The following LRP5 variants were observed in gnomAD, a reference collection of about 807,000 sequenced individuals.
The protein encoded by LRP5 is low-density lipoprotein receptor-related protein 5.
A neutral mutation model predicts 154.1 loss-of-function variants in LRP5; 62 were observed. The ratio of observed to expected loss-of-function variants is 0.40; its 90% CI spans 0.33 to 0.50. The LOEUF (loss-of-function observed/expected upper bound fraction) is 0.50, where lower values mean the gene tolerates loss of function less well. Ranked by LOEUF, LRP5 falls within the 20% of genes least tolerant of loss-of-function variation. LRP5 has a pLI of 0.55. For synonymous variants in LRP5, 966 were observed against 1,011.5 expected, an observed-to-expected ratio of 0.96 and a Z score of 0.85; for missense variants, 1,915 against 2,336.7, an observed-to-expected ratio of 0.82 and a Z score of 3.72.
In LRP5 at chr11:68,409,961, G is replaced by C; in HGVS notation, c.2139G>C (p.Val713=). 1 of 1,614,058 alleles carries C rather than the reference G, an allele frequency of 6.2e-7. No homozygotes were observed. The highest frequency in any genetic ancestry group is 8.5e-7 in the Non-Finnish European group (1 of 1,180,000). The change falls in exon 10 of 23, where the codon GTG becomes GTC. Residue 713 remains valine, a synonymous_variant. Transcript: ENST00000294304. ...ACGGGAGCTCGGTGGAGCACGTGGT[G>C]GAGTTTGGCCTTGACTACCCCGAGG... is the stretch of plus-strand genomic sequence containing the variant. ...FMNGSSVEHV[V]EFGLDYPEGM... is the part of the protein sequence containing the mutation.
chr11:68,298,621 C>T, the LRP5 span, among the ~76,000 whole-genome samples: 2 of 152,296 alleles, frequency 1.3e-5, no homozygotes, highest in Admixed American at 1.3e-4. Context: ...GGGCTCAGTG[C>T]CAGGCCCAGC....
At chr11:68,321,039 C>T (rs1192483822) in intron 1 of LRP5, among the ~76,000 whole-genome samples, 2 of 146,084 alleles carry the variant, frequency 1.4e-5, no homozygotes, top group African/African-American at 2.5e-5. Context: ...GTTTTACATT[C>T]AGACATTATT....
At position 68,428,791 on chromosome 11, in the gene LRP5, G is replaced by A. The variant is rs116749851; in HGVS notation, c.3638-784G>A. ...TCCAACCCCTTATACAATGAAAGAC[G>A]GGAAGAGGGCCAGGTGTGGTAGTTC... On this transcript the variant is annotated intron_variant, in intron 16 of 22. Transcript: ENST00000294304. 7.7e-3 allele frequency among the ~76,000 whole-genome samples: 1,096 copies of A among 141,884 alleles called. 15 individuals are homozygous for A. Among genetic ancestry groups the A allele is most frequent in the African/African-American group, 0.027 (1,020 of 37,570 alleles). 93.1% of individuals were successfully genotyped at this position (141,884 alleles called of 152,430 possible). A position where few individuals can be genotyped will look rare whatever the true frequency, so the allele number is the denominator to read the frequency against.
chr11:68,439,169 C>A (rs1453155650), intron 20 of LRP5, among the ~76,000 whole-genome samples: 1 of 152,230 alleles, frequency 6.6e-6, no homozygotes, highest in Non-Finnish European at 1.5e-5. Context: ...CACCGCAGAG[C>A]TGCACCATGC....
At chr11:68,372,391 T>TGGGACCGTGGCGGC (rs2098634615) in intron 5 of LRP5, among the ~76,000 whole-genome samples, 1 of 4,744 alleles carries the variant, frequency 2.1e-4, no homozygotes, top group East Asian at 5.4e-3. Flanking sequence ...GTGGTGGTGT[T>TGGGACCGTGGCGGC]GAGGAGGTGC....
chr11:68,362,249 G>A (rs567253172), intron 3 of LRP5, among the ~76,000 whole-genome samples: 32 of 152,270 alleles, frequency 2.1e-4, no homozygotes, highest in African/African-American at 7.0e-4. Flanking sequence ...AGTGTTTGCC[G>A]GGGCTGGGGG....
At chr11:68,416,085 A>C (rs1309010443) in intron 12 of LRP5, among the ~76,000 whole-genome samples, 2 of 152,070 alleles carry the variant, frequency 1.3e-5, no homozygotes, top group African/African-American at 4.8e-5. Flanking sequence ...AAAGAAAAAT[A>C]AATTTATGAT....
chr11:68,322,938 G>A (rs117323365), intron 1 of LRP5, among the ~76,000 whole-genome samples: 5,120 of 152,328 alleles, frequency 0.034, 121 homozygotes, highest in Non-Finnish European at 0.05. Flanking sequence ...GTACCCACCA[G>A]CCTCCTAGGG....
Position 68,386,792 on chromosome 11 carries a change from TTCTGGGACACTG to T in LRP5, c.1412+84_1412+95del. 6.8e-7 allele frequency: 1 copy of T among 1,464,986 alleles called. No homozygotes were observed. The highest frequency in any genetic ancestry group is 9.2e-7 in the Non-Finnish European group (1 of 1,084,990). 90.7% of individuals were successfully genotyped at this position (1,464,986 alleles called of 1,614,324 possible). On this transcript the variant is annotated intron_variant, in intron 6 of 22. Coordinates refer to ENST00000294304, the MANE Select transcript of LRP5 (RefSeq NM_002335.4). The surrounding 1 kb of genome is among the most constrained non-coding windows in gnomAD (Gnocchi z 7.9). ...GAGGGAGATTGACCTGGACCTGTCA[TTCTGGGACACTG>T]TCTTGCATCAGAACCCGGAGGAGGG...
chr11:68,418,723 G>A (rs2098663950), intron 13 of LRP5, among the ~76,000 whole-genome samples: 1 of 152,212 alleles, frequency 6.6e-6, no homozygotes, highest in Admixed American at 6.5e-5. Context: ...TCAGAGCCAT[G>A]CCTGGCTCCC....
At chr11:68,436,197 A>G (rs572635264) in intron 18 of LRP5, among the ~76,000 whole-genome samples, 204 of 152,254 alleles carry the variant, frequency 1.3e-3, no homozygotes, top group African/African-American at 4.2e-3. Flanking sequence ...TGGTTACCAG[A>G]AAATCATCCC....
chr11:68,364,334 A>G (rs2098629729), intron 4 of LRP5, among the ~76,000 whole-genome samples: 1 of 150,396 alleles, frequency 6.6e-6, no homozygotes, highest in African/African-American at 2.5e-5. Flanking sequence ...ATATATATAT[A>G]TGGTTATTTA....
chr11:68,423,482 C>A lies in LRP5; in HGVS notation c.3028-7C>A, dbSNP rs1457687408. The A allele has an allele frequency of 1.9e-6, 3 of 1,613,832 alleles. No individual in the cohort carries two copies. Among genetic ancestry groups the A allele is most frequent in the Non-Finnish European group, 2.5e-6 (3 of 1,179,834 alleles). ...TGCTCAGGAGTCTTGGTTTCTTTGT[C>A]TTACAGCCCTTTGTTTTGACCTCTC... On this transcript the variant is annotated splice_polypyrimidine_tract_variant and splice_region_variant and intron_variant, in intron 13 of 22. Coordinates refer to ENST00000294304, the MANE Select transcript of LRP5 (RefSeq NM_002335.4). This position sits in a 1 kb window ranked among gnomAD's most constrained non-coding sequence, Gnocchi z 4.7.
the LRP5 span, among the ~76,000 whole-genome samples, chr11:68,299,207 C>T: frequency 1.3e-5 from 2 of 152,180 alleles, no homozygotes; most frequent in African/African-American, 2.4e-5. Context: ...GGAGGCCCCA[C>T]CCTGCTGTGA....
chr11:68,416,784 T>C (rs1167015152), intron 13 of LRP5, among the ~76,000 whole-genome samples: 1 of 152,242 alleles, frequency 6.6e-6, no homozygotes. Flanking sequence ...ACAGGACTTT[T>C]GTCTTTTCAA....
At chr11:68,403,410 C>G in intron 7 of LRP5, 73 bp from the exon 8 acceptor site, 1 of 1,384,378 alleles carries the variant, frequency 7.2e-7, no homozygotes, top group South Asian at 1.2e-5. Flanking sequence ...GCTCAGGCCC[C>G]AGGCAGGGTC....
At position 68,436,983 on chromosome 11, in the gene LRP5, C is replaced by T. The variant is rs199576767; in HGVS notation, c.4095C>T (p.Ser1365=). ...CDSFPDCIDG[S]DELMCEITKP... is the part of the protein sequence containing the mutation. Reference sequence around the variant, plus strand: ...CCTTCCCCGACTGTATCGACGGCTCCGACGAGCTCATGTGTGGTGAGCCAG... The same window carrying T: ...CCTTCCCCGACTGTATCGACGGCTCTGACGAGCTCATGTGTGGTGAGCCAG... The change falls in exon 19 of 23, where the codon TCC becomes TCT. Residue 1365 remains serine (S), a synonymous_variant. Transcript: ENST00000294304. 54 of 1,613,536 alleles carry T rather than the reference C, an allele frequency of 3.3e-5. No homozygotes were observed. The highest frequency in any genetic ancestry group is 4.5e-5 in the East Asian group (2 of 44,880).
At chr11:68,399,823 G>A (rs1014289613) in intron 7 of LRP5, among the ~76,000 whole-genome samples, 10 of 152,262 alleles carry the variant, frequency 6.6e-5, no homozygotes, top group Non-Finnish European at 1.2e-4. Context: ...GGCCGGTCAA[G>A]ATGTGCTGAA....
intron 13 of LRP5, among the ~76,000 whole-genome samples, chr11:68,420,138 C>T (rs778717328): frequency 5.3e-5 from 8 of 152,204 alleles, no homozygotes; most frequent in South Asian, 2.1e-4. Flanking sequence ...AGTCAGTTCA[C>T]GAGGTAACCA....
Sources: allele counts gnomAD v4.1 joint callset (sites outside exome capture counted in the v4.1 genomes callset), GRCh38; gene constraint gnomAD v4.1.1; non-coding constraint Gnocchi (gnomAD v3.1); transcripts MANE v1.5; gene names NCBI Gene and HGNC (gene_info 2026-07-23, HGNC 2026-07-21).